Variants in DNAI2 observed in about 807,000 individuals in gnomAD.
DNAI2 encodes dynein, axonemal, intermediate polypeptide 2.
A neutral mutation model predicts 74.7 loss-of-function variants in DNAI2; 63 were observed. That is an observed-to-expected ratio of 0.84 (90% CI 0.69 to 1.04). The LOEUF is 1.04. Ranked by LOEUF, DNAI2 falls within the 50% of genes least tolerant of loss-of-function variation. The pLI is 0.00. For synonymous variants in DNAI2, 289 were observed against 314.9 expected (o/e 0.92, Z 0.87); for missense variants, 688 against 803.2 (o/e 0.86, Z 1.73).
intron 2 of DNAI2, among the ~76,000 whole-genome samples, chr17:74,284,697 C>A (rs1015213926): frequency 6.6e-6 from 1 of 152,220 alleles, no homozygotes; most frequent in African/African-American, 2.4e-5. Context: ...CAGGTGTGAG[C>A]CACTGCACCC....
At position 74,289,608 on chromosome 17, in the gene DNAI2, T is replaced by C. The variant is rs1312627461; in HGVS notation, c.482T>C (p.Ile161Thr). 6.2e-7 allele frequency: 1 copy of C among 1,613,056 alleles called. No homozygotes were observed. The highest frequency in any genetic ancestry group is 2.2e-5 in the East Asian group (1 of 44,820). Reference sequence around the variant, plus strand: ...CTCCCCTGCAGGGACCCCCAGGAAATCAAGAGGGCTGCCACACACCTCTCC... The same window carrying C: ...CTCCCCTGCAGGGACCCCCAGGAAACCAAGAGGGCTGCCACACACCTCTCC... ...TINVFRDPQE[I>T]KRAATHLSWH... Residue 161 changes from isoleucine (I) to threonine (T), a missense_variant, in exon 5 of 14, where the codon ATC becomes ACC. Ile to Thr is a moderately conservative substitution (Grantham distance 89). Coordinates refer to ENST00000311014, the MANE Select transcript of DNAI2 (RefSeq NM_023036.6).
intron 3 of DNAI2, among the ~76,000 whole-genome samples, 153 bp downstream of exon 3, chr17:74,285,354 T>C (rs2051654589): frequency 6.6e-6 from 1 of 152,090 alleles, no homozygotes; most frequent in Non-Finnish European, 1.5e-5. Flanking sequence ...GAGCCTTCTG[T>C]CTGGGAGCAG....
At chr17:74,284,000 T>C (rs940741740) in intron 2 of DNAI2, among the ~76,000 whole-genome samples, 2 of 151,980 alleles carry the variant, frequency 1.3e-5, no homozygotes, top group African/African-American at 4.8e-5. Context: ...TAGCCGGCCA[T>C]GATGGCGAGC....
chr17:74,310,486 A>G (rs73360700), intron 11 of DNAI2, among the ~76,000 whole-genome samples: 3,230 of 151,804 alleles, frequency 0.021, 111 homozygotes, highest in African/African-American at 0.074. Flanking sequence ...AAACTTTCCA[A>G]TGAAGGCTTA....
intron 2 of DNAI2, among the ~76,000 whole-genome samples, chr17:74,284,133 CT>C (rs2051552202): frequency 7.6e-6 from 1 of 132,082 alleles, no homozygotes. Context: ...AGCGAAACTC[CT>C]TTTCAAAAAA....
chr17:74,313,218 G>A (rs1200586031), intron 12 of DNAI2, among the ~76,000 whole-genome samples: 1 of 152,218 alleles, frequency 6.6e-6, no homozygotes, highest in Non-Finnish European at 1.5e-5. Flanking sequence ...ACAGAGCGAA[G>A]GATGGTGCAT....
At chr17:74,312,362 C>T in intron 12 of DNAI2, 132 bp downstream of exon 12, 2 of 700,072 alleles carry the variant, frequency 2.9e-6, no homozygotes, top group South Asian at 3.7e-5. Context: ...TTAATTTATT[C>T]ACCTGGCAAG....
intron 1 of DNAI2, among the ~76,000 whole-genome samples, chr17:74,277,065 GA>G (rs1211211131): frequency 6.6e-6 from 1 of 152,148 alleles, no homozygotes; most frequent in East Asian, 1.9e-4. Context: ...TCCCACCCAG[GA>G]AAGAGAATTT....
At chr17:74,299,240 G>A (rs2052618476) in intron 6 of DNAI2, among the ~76,000 whole-genome samples, 4 of 152,158 alleles carry the variant, frequency 2.6e-5, no homozygotes, top group Admixed American at 2.6e-4. Flanking sequence ...AGGTACAAAG[G>A]ATAAGAGGAA....
chr17:74,298,563 T>C (rs1345510924), intron 6 of DNAI2, among the ~76,000 whole-genome samples: 1 of 152,146 alleles, frequency 6.6e-6, no homozygotes, highest in African/African-American at 2.4e-5. Flanking sequence ...TGCCTCAGCC[T>C]CCCAAAGTGC....
chr17:74,304,965 C>A lies in DNAI2; in HGVS notation c.988-254C>A, dbSNP rs551425992. Among the ~76,000 whole-genome samples, 258 of 152,294 alleles carry A rather than the reference C, an allele frequency of 1.7e-3. 1 individual carries two copies. The highest frequency in any genetic ancestry group is 5.9e-3 in the African/African-American group (244 of 41,564). On this transcript the variant is annotated intron_variant, in intron 8 of 13. Transcript: ENST00000311014. The stretch of plus-strand genomic sequence containing the variant: ...GCAGAGGGGGCTAGTGACCTGACAA[C>A]CCTCCAGGACTGGAGGAGCCAGGGA...
At chr17:74,291,514 C>G (rs966114396) in intron 6 of DNAI2, among the ~76,000 whole-genome samples, 1 of 152,194 alleles carries the variant, frequency 6.6e-6, no homozygotes, top group Non-Finnish European at 1.5e-5. Flanking sequence ...GGGCAGAGCC[C>G]ACATGGCAGC....
At chr17:74,312,361 T>G in intron 12 of DNAI2, 131 bp downstream of exon 12, 1 of 700,626 alleles carries the variant, frequency 1.4e-6, no homozygotes, top group African/African-American at 1.8e-5. Flanking sequence ...CTTAATTTAT[T>G]CACCTGGCAA....
intron 1 of DNAI2, among the ~76,000 whole-genome samples, chr17:74,277,333 C>T (rs1394925960): frequency 2.0e-5 from 3 of 148,438 alleles, no homozygotes; most frequent in Non-Finnish European, 4.4e-5. Flanking sequence ...TGCAATGAGC[C>T]TAGATCTTGC....
chr17:74,305,586 G>A (rs2053142773), intron 9 of DNAI2, 144 bp downstream of exon 9: 1 of 680,802 alleles, frequency 1.5e-6, no homozygotes, highest in Non-Finnish European at 2.5e-6. Context: ...GTGTTAGCAA[G>A]TGACTTGCTC....
At chr17:74,309,787 C>A (rs1039088782) in intron 10 of DNAI2, 1 of 659,884 alleles carries the variant, frequency 1.5e-6, no homozygotes, top group South Asian at 1.8e-5. Flanking sequence ...CATTGGGGAA[C>A]CACAGGGTGA....
intron 2 of DNAI2, 40 bp downstream of exon 2, chr17:74,282,040 G>A (rs763748297): frequency 9.3e-6 from 15 of 1,612,230 alleles, no homozygotes; most frequent in South Asian, 4.4e-5. Context: ...GTCAGGTGTG[G>A]CCAGGCAGGG....
At chr17:74,312,603 C>T (rs1001918524) in intron 12 of DNAI2, among the ~76,000 whole-genome samples, 2 of 152,092 alleles carry the variant, frequency 1.3e-5, no homozygotes, top group African/African-American at 4.8e-5. Context: ...GCCTTGAGAC[C>T]CCTGGAGGGA....
chr17:74,312,107 C>G lies in DNAI2; in HGVS notation c.1599C>G (p.Thr533=), dbSNP rs139915367. ...GKAEGRDEEQ[T]DEELAVDLEA... ...CGGAGGGCAGGGATGAGGAGCAGAC[C>G]GATGAGGAGCTGGCCGTAGACCTGG... The change falls in exon 12 of 14, where the codon ACC becomes ACG. Residue 533 remains threonine, a synonymous_variant. Transcript: ENST00000311014. 1.2e-6 allele frequency: 2 copies of G among 1,613,606 alleles called. No homozygotes were observed. Among genetic ancestry groups the G allele is most frequent in the Non-Finnish European group, 8.5e-7 (1 of 1,179,948 alleles).
Sources: gnomAD v4.1 joint callset for allele counts (sites outside exome capture counted in the v4.1 genomes callset) on GRCh38, gnomAD v4.1.1 for gene constraint, MANE v1.5 for transcripts, NCBI Gene and HGNC (gene_info 2026-07-23, HGNC 2026-07-21) for gene names.